HMCN1: variants seen among roughly 807,000 people sequenced by gnomAD.
HMCN1 encodes the protein hemicentin 1.
In HMCN1, 321 loss-of-function variants were observed where a neutral mutation model predicts 625.9. The ratio of observed to expected loss-of-function variants is 0.51; its 90% CI spans 0.47 to 0.56. The LOEUF (loss-of-function observed/expected upper bound fraction) is 0.56. Among genes scored for constraint, HMCN1 ranks in the 20% least tolerant of loss-of-function variants. The probability of loss-of-function intolerance (pLI) is 0.00; values close to 1 mark genes in which losing one functional copy is unlikely to be tolerated. For synonymous variants in HMCN1, 2,425 were observed against 2,417.6 expected (o/e 1.00, Z -0.09); for missense variants, 6,588 against 6,887.3 (o/e 0.96, Z 1.54).
intron 19 of HMCN1, among the ~76,000 whole-genome samples, 189 bp from the exon 20 acceptor site, chr1:185,987,243 C>A (rs1037129057): frequency 2.0e-5 from 3 of 152,054 alleles, no homozygotes; most frequent in Non-Finnish European, 2.9e-5. Context: ...TTTTTCAGAT[C>A]ATAACTACTT....
chr1:186,158,338 C>G (rs1450005066), intron 97 of HMCN1, among the ~76,000 whole-genome samples: 2 of 151,534 alleles, frequency 1.3e-5, no homozygotes, highest in Non-Finnish European at 3.0e-5. Context: ...TGGATATTAG[C>G]CCATTGTCAG....
chr1:185,914,636 A>G (rs1429632780), intron 6 of HMCN1, among the ~76,000 whole-genome samples: 1 of 151,420 alleles, frequency 6.6e-6, no homozygotes, highest in South Asian at 2.1e-4. Flanking sequence ...CCTTCCCCTT[A>G]TAATGCCTTT....
chr1:185,797,689 G>C (rs147411646), intron 1 of HMCN1, among the ~76,000 whole-genome samples: 1 of 129,704 alleles, frequency 7.7e-6, no homozygotes. Context: ...TGTTTTGGCC[G>C]GGCGCGGTGG....
At chr1:186,112,671 G>A (rs751748176) in intron 71 of HMCN1, 141 bp from the exon 72 acceptor site, 169 of 1,026,918 alleles carry the variant, frequency 1.6e-4, no homozygotes, top group African/African-American at 3.9e-4. Flanking sequence ...TTGATACTAC[G>A]AAAATGGTGG....
chr1:185,771,942 C>T (rs1375164569), intron 1 of HMCN1, among the ~76,000 whole-genome samples: 2 of 152,128 alleles, frequency 1.3e-5, no homozygotes, highest in Non-Finnish European at 2.9e-5. Context: ...TTAATTTTCT[C>T]ATGGGGAGAA....
At chr1:185,876,791 T>C (rs1663967598) in intron 4 of HMCN1, among the ~76,000 whole-genome samples, 1 of 152,016 alleles carries the variant, frequency 6.6e-6, no homozygotes, top group South Asian at 2.1e-4. Context: ...GTTTGAGTTA[T>C]TTCTAGAATC....
intron 15 of HMCN1, 39 bp downstream of exon 15, chr1:185,970,532 T>A (rs1335686324): frequency 6.5e-7 from 1 of 1,542,984 alleles, no homozygotes; most frequent in Admixed American, 1.7e-5. Context: ...TGTTTAGAAA[T>A]TGATATGTTA....
intron 30 of HMCN1, among the ~76,000 whole-genome samples, chr1:186,011,772 A>G (rs1422888474): frequency 6.6e-6 from 1 of 152,212 alleles, no homozygotes; most frequent in Non-Finnish European, 1.5e-5. Flanking sequence ...CAACACAATG[A>G]CTACCATGGT....
At chr1:185,914,847 A>G (rs577731957) in intron 6 of HMCN1, among the ~76,000 whole-genome samples, 65 of 151,764 alleles carry the variant, frequency 4.3e-4, no homozygotes, top group African/African-American at 1.5e-3. Context: ...CTCTTTTTCT[A>G]TAGACCAGAT....
At chr1:185,903,153 A>T (rs1665909536) in intron 4 of HMCN1, among the ~76,000 whole-genome samples, 1 of 151,904 alleles carries the variant, frequency 6.6e-6, no homozygotes, top group Non-Finnish European at 1.5e-5. Context: ...TTAATGAAAT[A>T]TACCTTGACA....
chr1:185,791,189 T>C (rs1311543393), intron 1 of HMCN1, among the ~76,000 whole-genome samples: 1 of 152,152 alleles, frequency 6.6e-6, no homozygotes, highest in East Asian at 1.9e-4. Context: ...CATGTTTATC[T>C]TTCTCGGTAC....
chr1:185,860,321 A>C (rs971273521), intron 2 of HMCN1, among the ~76,000 whole-genome samples: 2 of 152,106 alleles, frequency 1.3e-5, no homozygotes, highest in African/African-American at 4.8e-5. Flanking sequence ...TGCAAATGTG[A>C]AATTTGGGGC....
In HMCN1 at chr1:186,079,811, G is replaced by A. The variant is rs13375956; in HGVS notation, c.8600-1396G>A. ...AGCAAGTTGGAGATGAGTTTAGAAG[G>A]TGGAACAAAGCAAGAAAATTAACTG... On this transcript the variant is annotated intron_variant, in intron 55 of 106. Coordinates refer to ENST00000271588, the MANE Select transcript of HMCN1 (RefSeq NM_031935.3). Among the ~76,000 whole-genome samples, 1,041 of 152,282 alleles carry A rather than the reference G, an allele frequency of 6.8e-3. 10 individuals are homozygous for A. The highest frequency in any genetic ancestry group is 0.024 in the African/African-American group (1,001 of 41,576).
chr1:186,119,311 A>T lies in HMCN1; in HGVS notation c.11956+13A>T, dbSNP rs766931135. ...CTTCATGTTCATGGTATGGAAGGCT[A>T]TTTACTCATTCAAAGTTCGCTGGGT... is the stretch of plus-strand genomic sequence containing the variant. On this transcript the variant is annotated intron_variant, in intron 78 of 106. Coordinates refer to ENST00000271588, the MANE Select transcript of HMCN1 (RefSeq NM_031935.3). 1 of 1,597,316 alleles carries T rather than the reference A, an allele frequency of 6.3e-7. No homozygotes were observed. The highest frequency in any genetic ancestry group is 1.1e-5 in the South Asian group (1 of 90,726).
chr1:185,791,155 A>T (rs1229914432), intron 1 of HMCN1, among the ~76,000 whole-genome samples: 4 of 151,982 alleles, frequency 2.6e-5, no homozygotes, highest in Non-Finnish European at 5.9e-5. Flanking sequence ...CCTACATTTC[A>T]CATTGAAATG....
chr1:186,105,253 A>G (rs912619017), intron 69 of HMCN1, among the ~76,000 whole-genome samples: 1 of 152,234 alleles, frequency 6.6e-6, no homozygotes, highest in Non-Finnish European at 1.5e-5. Flanking sequence ...ATTAAAAACA[A>G]TATGGAAGTG....
chr1:185,737,605 T>C (rs1653682001), intron 1 of HMCN1, among the ~76,000 whole-genome samples: 1 of 152,254 alleles, frequency 6.6e-6, no homozygotes, highest in Non-Finnish European at 1.5e-5. Flanking sequence ...ATGACTCTTT[T>C]ACATATGGTT....
intron 45 of HMCN1, among the ~76,000 whole-genome samples, chr1:186,056,425 T>A (rs1657324411): frequency 6.6e-6 from 1 of 152,016 alleles, no homozygotes; most frequent in South Asian, 2.1e-4. Flanking sequence ...TATAAGTAGG[T>A]TATGAATCCA....
At chr1:185,796,626 C>CTGTGTGTGTGTGTGTG (rs150495815) in intron 1 of HMCN1, among the ~76,000 whole-genome samples, 1 of 148,688 alleles carries the variant, frequency 6.7e-6, no homozygotes, top group Non-Finnish European at 1.5e-5. Flanking sequence ...GAGTTTGTGT[C>CTGTGTGTGTGTGTGTG]TGTGTGTGTG....
Sources: gnomAD v4.1 joint callset for allele counts (sites outside exome capture counted in the v4.1 genomes callset) on GRCh38, gnomAD v4.1.1 for gene constraint, MANE v1.5 for transcripts, NCBI Gene and HGNC (gene_info 2026-07-23, HGNC 2026-07-21) for gene names.